MET: variants seen among roughly 807,000 people sequenced by gnomAD.
The protein encoded by MET is hepatocyte growth factor receptor.
A neutral mutation model predicts 133.1 loss-of-function variants in MET; 48 were observed. The ratio of observed to expected loss-of-function variants is 0.36; its 90% CI spans 0.29 to 0.46. The LOEUF is 0.46. MET is among the 20% of genes least tolerant of loss of function. MET has a pLI of 1.00. For synonymous variants in MET, 628 were observed against 616.5 expected (o/e 1.02, Z -0.28); for missense variants, 1,442 against 1,695.9 (o/e 0.85, Z 2.63).
At chr7:116,757,325 C>A in intron 6 of MET, 112 bp from the exon 7 acceptor site, 1 of 823,854 alleles carries the variant, frequency 1.2e-6, no homozygotes, top group Non-Finnish European at 2.1e-6. Flanking sequence ...ACTCTGCTTG[C>A]TATTCAAAGC....
intron 5 of MET, among the ~76,000 whole-genome samples, chr7:116,752,358 T>C (rs1562917854): frequency 6.6e-6 from 1 of 152,216 alleles, no homozygotes; most frequent in Non-Finnish European, 1.5e-5. Context: ...ATGTGATCTT[T>C]CACCTGTGAA....
At chr7:116,681,561 T>C (rs966427299) in intron 1 of MET, among the ~76,000 whole-genome samples, 3 of 152,228 alleles carry the variant, frequency 2.0e-5, no homozygotes, top group African/African-American at 7.2e-5. Context: ...GATGTAGGAA[T>C]TGTATTTTTC....
At chr7:116,792,623 A>C (rs977892325) in intron 19 of MET, among the ~76,000 whole-genome samples, 1 of 151,808 alleles carries the variant, frequency 6.6e-6, no homozygotes, top group African/African-American at 2.4e-5. Flanking sequence ...AGACAATACA[A>C]TGCTCTTCCT....
intron 1 of MET, among the ~76,000 whole-genome samples, chr7:116,693,809 G>C (rs1796861427): frequency 6.6e-6 from 1 of 152,202 alleles, no homozygotes; most frequent in South Asian, 2.1e-4. Flanking sequence ...GCTTATAAGT[G>C]TTTGTTGGGG....
At chr7:116,719,921 C>T (rs1485695046) in intron 2 of MET, among the ~76,000 whole-genome samples, 23 of 152,016 alleles carry the variant, frequency 1.5e-4, no homozygotes, top group Admixed American at 7.2e-4. Flanking sequence ...AGTCAGGTAG[C>T]GTGATGCCTC....
intron 16 of MET, 70 bp from the exon 17 acceptor site, chr7:116,778,706 C>G: frequency 6.7e-6 from 10 of 1,501,502 alleles, no homozygotes; most frequent in Non-Finnish European, 9.2e-6. Context: ...ATTGCTCTTC[C>G]TATCTAAATT....
At chr7:116,679,862 A>G (rs1378149050) in intron 1 of MET, among the ~76,000 whole-genome samples, 1 of 152,216 alleles carries the variant, frequency 6.6e-6, no homozygotes, top group African/African-American at 2.4e-5. Context: ...TTCAAATGAC[A>G]TGATTAAAGA....
chr7:116,779,561 T>C (rs1350930754), intron 17 of MET, among the ~76,000 whole-genome samples: 1 of 152,148 alleles, frequency 6.6e-6, no homozygotes, highest in African/African-American at 2.4e-5. Context: ...TCTTCCCTGC[T>C]CTATTTTCCC....
intron 19 of MET, among the ~76,000 whole-genome samples, chr7:116,795,109 A>G (rs1444686986): frequency 1.3e-5 from 2 of 152,240 alleles, no homozygotes; most frequent in Admixed American, 1.3e-4. Context: ...TTTTCAATAG[A>G]GAAACTTGTT....
intron 2 of MET, chr7:116,724,933 C>A (rs1792682317): frequency 2.7e-6 from 3 of 1,093,536 alleles, no homozygotes; most frequent in African/African-American, 3.3e-5. Context: ...ATGCTTAGAA[C>A]TGTGTCTAAC....
At chr7:116,684,728 T>C (rs1194949802) in intron 1 of MET, among the ~76,000 whole-genome samples, 2 of 152,134 alleles carry the variant, frequency 1.3e-5, no homozygotes, top group Non-Finnish European at 2.9e-5. Context: ...AGATTTCTAA[T>C]GGTGTGATGG....
chr7:116,692,715 A>C (rs1305282357), intron 1 of MET, among the ~76,000 whole-genome samples: 2 of 152,240 alleles, frequency 1.3e-5, no homozygotes, highest in Non-Finnish European at 2.9e-5. Context: ...TTTAGTGGCC[A>C]AGGTGCCATT....
intron 2 of MET, among the ~76,000 whole-genome samples, chr7:116,712,056 A>G (rs1792022630): frequency 6.6e-6 from 1 of 152,228 alleles, no homozygotes; most frequent in Non-Finnish European, 1.5e-5. Context: ...GAGATGGTTC[A>G]AGCACAGCAC....
chr7:116,683,278 T>C (rs1796429057), intron 1 of MET, among the ~76,000 whole-genome samples: 1 of 152,212 alleles, frequency 6.6e-6, no homozygotes. Context: ...TTCTCATCGT[T>C]TAGCTCCCAC....
chr7:116,772,441 T>C (rs1235227024), intron 14 of MET, among the ~76,000 whole-genome samples: 4 of 152,186 alleles, frequency 2.6e-5, no homozygotes, highest in East Asian at 1.9e-4. Flanking sequence ...ACAGCCTTTT[T>C]CCCACCATAT....
chr7:116,704,339 G>T (rs555026756), intron 2 of MET, among the ~76,000 whole-genome samples: 99 of 152,188 alleles, frequency 6.5e-4, no homozygotes, highest in Non-Finnish European at 1.2e-3. Flanking sequence ...CTTCTACCTG[G>T]ATGGCCATGA....
intron 2 of MET, among the ~76,000 whole-genome samples, chr7:116,706,518 C>T (rs1472417343): frequency 6.6e-6 from 1 of 152,064 alleles, no homozygotes; most frequent in African/African-American, 2.4e-5. Context: ...GGATATGAAC[C>T]TCCTTGAGTA....
intron 5 of MET, among the ~76,000 whole-genome samples, chr7:116,744,597 C>T (rs1419601909): frequency 6.6e-6 from 1 of 152,124 alleles, no homozygotes; most frequent in East Asian, 1.9e-4. Flanking sequence ...GAGAATGGAA[C>T]CAAGTTGGAA....
At chr7:116,759,264 C>A in intron 9 of MET, 127 bp from the exon 10 acceptor site, 1 of 1,401,524 alleles carries the variant, frequency 7.1e-7, no homozygotes, top group Non-Finnish European at 9.7e-7. Flanking sequence ...TACCCATGAA[C>A]TTCCATTTGA....
Sources: gnomAD v4.1 joint callset for allele counts (sites outside exome capture counted in the v4.1 genomes callset) on GRCh38, gnomAD v4.1.1 for gene constraint, MANE v1.5 for transcripts, NCBI Gene and HGNC (gene_info 2026-07-23, HGNC 2026-07-21) for gene names.